The following CYRIB variants were observed in gnomAD, a reference collection of about 807,000 sequenced individuals.
CYRIB encodes CYFIP-related Rac1 interactor B.
Under a neutral mutation model 44.2 loss-of-function variants are expected in CYRIB, and 8 were observed. The observed-to-expected ratio is 0.18, with a 90% confidence interval of 0.11 to 0.33. CYRIB has a LOEUF of 0.33. Ranked by LOEUF, CYRIB falls within the 10% of genes least tolerant of loss-of-function variation. CYRIB has a pLI of 1.00. For synonymous variants in CYRIB, 131 were observed against 127.2 expected (o/e 1.03, Z -0.20); for missense variants, 185 against 382.8 (o/e 0.48, Z 4.31).
chr8:129,922,831 C>T (rs1279238250), intron 1 of CYRIB, among the ~76,000 whole-genome samples: 3 of 150,966 alleles, frequency 2.0e-5, no homozygotes, highest in African/African-American at 7.3e-5. Flanking sequence ...CCACTGCACT[C>T]CAGCCTGGGC....
At chr8:129,991,758 TA>T (rs1749237284) in intron 1 of CYRIB, among the ~76,000 whole-genome samples, 1 of 150,848 alleles carries the variant, frequency 6.6e-6, no homozygotes, top group African/African-American at 2.4e-5. Context: ...GAGACCAACC[TA>T]GCCAACATGG....
chr8:129,948,835 GGA>G (rs1391757977), intron 2 of CYRIB: 3 of 152,760 alleles, frequency 2.0e-5, no homozygotes, highest in Non-Finnish European at 2.9e-5. Context: ...GGCCAAGGTG[GGA>G]GGACTGCTTG....
intron 2 of CYRIB, among the ~76,000 whole-genome samples, chr8:129,889,573 AG>A (rs1429923919): frequency 3.3e-5 from 5 of 152,296 alleles, no homozygotes; most frequent in Admixed American, 1.3e-4. Flanking sequence ...AAACATCAAT[AG>A]GAGTTTGAAA....
intron 3 of CYRIB, among the ~76,000 whole-genome samples, chr8:129,872,506 T>C (rs1405288000): frequency 6.6e-6 from 1 of 152,090 alleles, no homozygotes; most frequent in Non-Finnish European, 1.5e-5. Flanking sequence ...AAATCTTTTA[T>C]ATTTTAAGGA....
chr8:129,861,112 T>C (rs2049190754), intron 5 of CYRIB, among the ~76,000 whole-genome samples: 2 of 152,240 alleles, frequency 1.3e-5, no homozygotes, highest in South Asian at 4.1e-4. Flanking sequence ...ATTCAAACTA[T>C]ATGGAAGTAC....
intron 9 of CYRIB, chr8:129,850,404 T>G (rs1411223700): frequency 6.3e-6 from 1 of 158,092 alleles, no homozygotes; most frequent in Non-Finnish European, 1.4e-5. Context: ...GACAATTAAT[T>G]ATTGAGAGAA....
Position 129,987,625 on chromosome 8 carries a change from A to G in CYRIB, c.-295-16630T>C, listed in dbSNP as rs141721514. Among the ~76,000 whole-genome samples, 621 of 143,014 alleles carry G rather than the reference A, an allele frequency of 4.3e-3. 6 individuals are homozygous for G. The highest frequency in any genetic ancestry group is 0.016 in the African/African-American group (607 of 37,776). 93.8% of individuals were successfully genotyped at this position (143,014 alleles called of 152,430 possible). Reference sequence around the variant, plus strand: ...CGCTCCGTCGCCCAGGCTGGAGGGCAGTGGCACGATCCTGGCTCACTGCAA... The same window carrying G: ...CGCTCCGTCGCCCAGGCTGGAGGGCGGTGGCACGATCCTGGCTCACTGCAA... On this transcript the variant is annotated intron_variant, in intron 1 of 14. Transcript: ENST00000401979.
chr8:129,840,055 G>GC (rs1255464418), exon 12 of CYRIB: 1 of 155,772 alleles, frequency 6.4e-6, no homozygotes, highest in Admixed American at 6.6e-5. Context: ...AGAAAACACA[G>GC]CCACAAGCGC....
chr8:129,967,984 T>C (rs2095551996), intron 2 of CYRIB, among the ~76,000 whole-genome samples: 1 of 152,190 alleles, frequency 6.6e-6, no homozygotes, highest in Non-Finnish European at 1.5e-5. Context: ...CATAGTATAA[T>C]ACTTGCAAAC....
intron 3 of CYRIB, among the ~76,000 whole-genome samples, chr8:129,875,043 C>T (rs1233533754): frequency 6.6e-6 from 1 of 152,118 alleles, no homozygotes; most frequent in Non-Finnish European, 1.5e-5. Flanking sequence ...TTAAAAAATA[C>T]TTACTGAACT....
chr8:129,959,371 T>G (rs2095100339), intron 2 of CYRIB, among the ~76,000 whole-genome samples: 1 of 152,086 alleles, frequency 6.6e-6, no homozygotes, highest in Admixed American at 6.6e-5. Flanking sequence ...CTGGAAATAT[T>G]TATTTATTTG....
At chr8:129,914,748 C>T (rs995781200) in intron 1 of CYRIB, among the ~76,000 whole-genome samples, 1 of 152,182 alleles carries the variant, frequency 6.6e-6, no homozygotes, top group East Asian at 1.9e-4. Flanking sequence ...TTCTAAAAAT[C>T]ATGAACAACA....
At chr8:129,975,418 G>A (rs1381367079) in intron 1 of CYRIB, among the ~76,000 whole-genome samples, 2 of 152,182 alleles carry the variant, frequency 1.3e-5, no homozygotes, top group Non-Finnish European at 2.9e-5. Flanking sequence ...CCACAGTTCT[G>A]TACTCTGGAC....
intron 2 of CYRIB, among the ~76,000 whole-genome samples, chr8:129,882,772 G>A (rs2061263817): frequency 6.6e-6 from 1 of 152,082 alleles, no homozygotes; most frequent in African/African-American, 2.4e-5. Context: ...GGCACCCGAG[G>A]CTAATGTGAT....
intron 1 of CYRIB, among the ~76,000 whole-genome samples, chr8:129,994,328 C>T (rs574947201): frequency 5.0e-4 from 76 of 152,300 alleles, no homozygotes; most frequent in African/African-American, 1.8e-3. Context: ...CCAACCCTCC[C>T]GGCACCTTCG....
exon 12 of CYRIB, chr8:129,841,055 T>C (rs2036072280): frequency 6.6e-6 from 1 of 152,306 alleles, no homozygotes; most frequent in Admixed American, 6.5e-5. Context: ...CTGAAACCTG[T>C]TAGTTTTCTA....
Position 129,959,091 on chromosome 8 carries a change from C to T in CYRIB, c.-243+11852G>A, listed in dbSNP as rs985229646. Reference sequence around the variant, plus strand: ...AAAAAAAAAAAAAAAAAAACAAAGGCAGGCAGGATTTCTCTAATAAAAGCT... The same window carrying T: ...AAAAAAAAAAAAAAAAAAACAAAGGTAGGCAGGATTTCTCTAATAAAAGCT... On this transcript the variant is annotated intron_variant, in intron 2 of 14. Coordinates refer to the CYRIB transcript ENST00000401979. Among the ~76,000 whole-genome samples, 6 of 147,176 alleles carry T rather than the reference C, an allele frequency of 4.1e-5. No homozygotes were observed. The East Asian group carries it at 1.2e-3, about 29-fold the overall frequency.
At chr8:129,953,442 C>G (rs1279758980) in intron 2 of CYRIB, among the ~76,000 whole-genome samples, 1 of 152,204 alleles carries the variant, frequency 6.6e-6, no homozygotes, top group Non-Finnish European at 1.5e-5. Context: ...TTCCTCATCA[C>G]AGCCATGCAT....
intron 1 of CYRIB, among the ~76,000 whole-genome samples, chr8:129,981,719 C>T (rs2132708901): frequency 6.6e-6 from 1 of 152,324 alleles, no homozygotes; most frequent in South Asian, 2.1e-4. Context: ...CGCCTGGGGC[C>T]TGGGAGTGGG....
Sources: gnomAD v4.1 joint callset for allele counts (sites outside exome capture counted in the v4.1 genomes callset) on GRCh38, gnomAD v4.1.1 for gene constraint, MANE v1.5 for transcripts, NCBI Gene and HGNC (gene_info 2026-07-23, HGNC 2026-07-21) for gene names.